FSTL5: variants seen among roughly 807,000 people sequenced by gnomAD.
FSTL5 encodes follistatin-related protein 5.
In FSTL5, 62 loss-of-function variants were observed where a neutral mutation model predicts 89.1. The ratio of observed to expected loss-of-function variants is 0.70; its 90% CI spans 0.57 to 0.86. The LOEUF (loss-of-function observed/expected upper bound fraction) is 0.86, where lower values mean the gene tolerates loss of function less well. FSTL5 is among the 40% of genes least tolerant of loss of function. The probability of loss-of-function intolerance (pLI) is 0.00; values close to 1 mark genes in which losing one functional copy is unlikely to be tolerated. For synonymous variants in FSTL5, 383 were observed against 346.2 expected, an observed-to-expected ratio of 1.11 and a Z score of -1.18; for missense variants, 1,057 against 1,001.6, an observed-to-expected ratio of 1.06 and a Z score of -0.75.
At chr4:161,630,502 T>C (rs1047761333) in intron 7 of FSTL5, among the ~76,000 whole-genome samples, 1 of 152,228 alleles carries the variant, frequency 6.6e-6, no homozygotes, top group East Asian at 1.9e-4. Flanking sequence ...TAGCCAATGA[T>C]ATATGTGGAT....
At chr4:161,646,455 G>A (rs1208811614) in intron 7 of FSTL5, among the ~76,000 whole-genome samples, 1 of 151,608 alleles carries the variant, frequency 6.6e-6, no homozygotes, top group Non-Finnish European at 1.5e-5. Context: ...TTGAAGTATA[G>A]TACATATTCT....
chr4:161,783,201 C>T (rs576675321), intron 4 of FSTL5, among the ~76,000 whole-genome samples: 3 of 152,118 alleles, frequency 2.0e-5, no homozygotes, highest in Middle Eastern at 3.2e-3. Context: ...TATTATAACT[C>T]ATCAAATGCA....
At chr4:161,676,747 GCACACA>G (rs148353944) in intron 6 of FSTL5, among the ~76,000 whole-genome samples, 1 of 143,262 alleles carries the variant, frequency 7.0e-6, no homozygotes, top group Admixed American at 7.0e-5. Context: ...ATACATACAC[GCACACA>G]CACACACACA....
intron 4 of FSTL5, among the ~76,000 whole-genome samples, chr4:161,809,377 G>A (rs1011705667): frequency 2.6e-5 from 4 of 152,254 alleles, no homozygotes; most frequent in African/African-American, 9.6e-5. Flanking sequence ...CATTGTACAC[G>A]CCTATTAGAA....
intron 10 of FSTL5, among the ~76,000 whole-genome samples, chr4:161,510,869 A>C (rs1166881838): frequency 6.6e-6 from 1 of 151,952 alleles, no homozygotes; most frequent in Non-Finnish European, 1.5e-5. Flanking sequence ...ATATTCCTGA[A>C]CAAGAAGAGT....
chr4:161,551,859 G>A (rs376595598), intron 8 of FSTL5, among the ~76,000 whole-genome samples: 11,262 of 151,862 alleles, frequency 0.074, 532 homozygotes, highest in Middle Eastern at 0.16. Context: ...AGACTTAAAC[G>A]TTAGACCTAA....
chr4:161,507,478 C>G (rs548638381), intron 11 of FSTL5, among the ~76,000 whole-genome samples: 2 of 151,618 alleles, frequency 1.3e-5, no homozygotes, highest in South Asian at 4.2e-4. Context: ...CAGGCTTGAA[C>G]CTTCTAGATT....
At chr4:162,140,091 T>A (rs1444935063) in intron 1 of FSTL5, among the ~76,000 whole-genome samples, 4 of 152,140 alleles carry the variant, frequency 2.6e-5, no homozygotes, top group Non-Finnish European at 5.9e-5. Context: ...ATTGTTACAC[T>A]CTAACCAGTT....
At chr4:161,904,921 T>C (rs775837946) in intron 4 of FSTL5, among the ~76,000 whole-genome samples, 2 of 151,870 alleles carry the variant, frequency 1.3e-5, no homozygotes, top group Non-Finnish European at 2.9e-5. Flanking sequence ...TCTATGTATA[T>C]GTATATGTAT....
chr4:161,760,302 T>C (rs1740742088), intron 5 of FSTL5, among the ~76,000 whole-genome samples: 1 of 152,186 alleles, frequency 6.6e-6, no homozygotes, highest in African/African-American at 2.4e-5. Flanking sequence ...GACATTTCTA[T>C]TGTGGTAGCT....
intron 15 of FSTL5, among the ~76,000 whole-genome samples, chr4:161,408,959 A>C (rs1437174723): frequency 3.9e-5 from 6 of 152,216 alleles, no homozygotes; most frequent in Admixed American, 3.9e-4. Context: ...TTCTTGAGAG[A>C]ATAGGAGAAA....
intron 6 of FSTL5, among the ~76,000 whole-genome samples, chr4:161,721,396 AG>A (rs1739211469): frequency 6.6e-6 from 1 of 152,018 alleles, no homozygotes; most frequent in Non-Finnish European, 1.5e-5. Context: ...TATAAATAAA[AG>A]GTCCTGGAAA....
intron 7 of FSTL5, among the ~76,000 whole-genome samples, chr4:161,589,546 G>A (rs1733734528): frequency 6.6e-6 from 1 of 151,896 alleles, no homozygotes; most frequent in African/African-American, 2.4e-5. Flanking sequence ...TCAAACTCCT[G>A]GCCTCAAGTG....
intron 4 of FSTL5, among the ~76,000 whole-genome samples, chr4:161,889,193 G>C (rs1383626808): frequency 6.6e-6 from 1 of 152,132 alleles, no homozygotes; most frequent in Non-Finnish European, 1.5e-5. Flanking sequence ...CCACAAAATA[G>C]AGAAAGCCTG....
At chr4:161,523,908 T>A (rs1418586237) in intron 10 of FSTL5, among the ~76,000 whole-genome samples, 2 of 152,168 alleles carry the variant, frequency 1.3e-5, no homozygotes, top group Non-Finnish European at 1.5e-5. Context: ...AATTTTTACC[T>A]TTGAAGGGTA....
rs141879487 is a variant in FSTL5, at chr4:161,698,497, G to A, written c.728-42003C>T. Among the ~76,000 whole-genome samples, 559 of 152,324 alleles carry A rather than the reference G, an allele frequency of 3.7e-3. 1 individual carries two copies. Among genetic ancestry groups the A allele is most frequent in the Middle Eastern group, 6.8e-3 (2 of 294 alleles). ...ATGAGGTATTGTATTCTTGAAAAAT[G>A]CTGAGTGAGTTGATGTGACGGGGCT... On this transcript the variant is annotated intron_variant, in intron 6 of 15. Coordinates refer to ENST00000306100, the MANE Select transcript of FSTL5 (RefSeq NM_020116.5).
intron 4 of FSTL5, among the ~76,000 whole-genome samples, chr4:161,906,620 G>A (rs117171770): frequency 6.6e-6 from 1 of 152,126 alleles, no homozygotes; most frequent in East Asian, 1.9e-4. Flanking sequence ...TTTGGTGAGG[G>A]GGAAACTGAA....
intron 7 of FSTL5, among the ~76,000 whole-genome samples, chr4:161,590,735 A>C (rs967722196): frequency 7.2e-5 from 11 of 152,210 alleles, no homozygotes; most frequent in South Asian, 4.1e-4. Flanking sequence ...AATAAAAAAG[A>C]GACAATTGCA....
chr4:161,578,997 T>C (rs1733334718), intron 8 of FSTL5, among the ~76,000 whole-genome samples: 2 of 152,074 alleles, frequency 1.3e-5, no homozygotes, highest in African/African-American at 4.8e-5. Context: ...TTAGAGTAAA[T>C]GAAAATTCAG....
Sources: allele counts gnomAD v4.1 joint callset (sites outside exome capture counted in the v4.1 genomes callset), GRCh38; gene constraint gnomAD v4.1.1; transcripts MANE v1.5; gene names NCBI Gene and HGNC (gene_info 2026-07-23, HGNC 2026-07-21).